BCR: variants seen among roughly 807,000 people sequenced by gnomAD.
The protein encoded by BCR is BCR activator of RhoGEF and GTPase.
Under a neutral mutation model 138.6 loss-of-function variants are expected in BCR, and 58 were observed. The ratio of observed to expected loss-of-function variants is 0.42; its 90% CI spans 0.34 to 0.52. BCR has a LOEUF of 0.52. BCR is among the 20% of genes least tolerant of loss of function. BCR has a pLI of 0.06. For synonymous variants in BCR, 786 were observed against 730.1 expected (o/e 1.08, Z -1.23); for missense variants, 1,599 against 1,727.2 (o/e 0.93, Z 1.32).
At position 23,234,055 on chromosome 22, in the gene BCR, G is replaced by A. The variant is rs75137558; in HGVS notation, c.1280-19744G>A. Among the ~76,000 whole-genome samples, 1,409 of 152,246 alleles carry A rather than the reference G, an allele frequency of 9.3e-3. 17 individuals carry two copies. Among genetic ancestry groups the A allele is most frequent in the African/African-American group, 0.032 (1,329 of 41,530 alleles). ...GAGCCCCAGGCCGAGTCCTCTGGGG[G>A]TGTCATTAATGGCGTGTGCATGAGC... On this transcript the variant is annotated intron_variant, in intron 1 of 22. Transcript: ENST00000305877.
intron 1 of BCR, among the ~76,000 whole-genome samples, chr22:23,230,813 C>A (rs932026197): frequency 9.9e-5 from 15 of 152,224 alleles, no homozygotes. Flanking sequence ...CCAGGCCTCA[C>A]TTGCCACCAG....
intron 1 of BCR, 26 bp from the exon 2 acceptor site, chr22:23,253,773 C>T: frequency 6.3e-7 from 1 of 1,594,472 alleles, no homozygotes; most frequent in Non-Finnish European, 8.6e-7. Flanking sequence ...CTGTCTCTAA[C>T]ACAGGATGCT....
chr22:23,313,678 G>T (rs551529671), intron 20 of BCR, among the ~76,000 whole-genome samples: 2 of 152,288 alleles, frequency 1.3e-5, no homozygotes, highest in African/African-American at 2.4e-5. Context: ...GTGGTGGCAG[G>T]AGTTGTCCAA....
intron 1 of BCR, among the ~76,000 whole-genome samples, chr22:23,203,515 G>A (rs1295605283): frequency 6.6e-6 from 1 of 152,174 alleles, no homozygotes; most frequent in East Asian, 1.9e-4. Flanking sequence ...AGAGGAGTCT[G>A]TGCTAGACTG....
Position 23,263,995 on chromosome 22 carries a change from C to T in BCR, c.1752+2455C>T, listed in dbSNP as rs1438938111. 2.0e-5 allele frequency: 18 copies of T among 896,664 alleles called. No individual in the cohort carries two copies. The African/African-American group carries it at 2.9e-4, about 15-fold the overall frequency. 55.5% of individuals were successfully genotyped at this position (896,664 alleles called of 1,614,324 possible). ...ACACACTTGGACAGAGACTTTCCCC[C>T]AAGGGCTGGGGTGCTGGATGTCATA... On this transcript the variant is annotated intron_variant, in intron 4 of 22. Transcript: ENST00000305877.
In BCR at chr22:23,223,735, G is replaced by A. The variant is rs532339092; in HGVS notation, c.1280-30064G>A. Among the ~76,000 whole-genome samples, 4 of 152,300 alleles carry A rather than the reference G, an allele frequency of 2.6e-5. No individual in the cohort carries two copies. In the East Asian group the frequency reaches 7.7e-4, roughly 29 times the overall value. On this transcript the variant is annotated intron_variant, in intron 1 of 22. Transcript: ENST00000305877. ...CTCCCACCCTCCCAGTGCACAGCGA[G>A]ATTTCAGGTTTTGTTTCTAGACCCT...
At chr22:23,204,412 A>G (rs1161916413) in intron 1 of BCR, among the ~76,000 whole-genome samples, 1 of 147,720 alleles carries the variant, frequency 6.8e-6, no homozygotes, top group Non-Finnish European at 1.5e-5. Flanking sequence ...AATAAAATTA[A>G]GTCATGTTGC....
chr22:23,302,653 T>C (rs1171770863), intron 16 of BCR: 1 of 152,192 alleles, frequency 6.6e-6, no homozygotes, highest in Non-Finnish European at 1.5e-5. Flanking sequence ...CAGAAAACAG[T>C]GTCCACGGGG....
intron 8 of BCR, among the ~76,000 whole-genome samples, chr22:23,280,564 A>G (rs2073631936): frequency 6.6e-6 from 1 of 152,164 alleles, no homozygotes; most frequent in South Asian, 2.1e-4. Flanking sequence ...TCCTCAGAAC[A>G]TACCACCAGA....
chr22:23,281,909 T>G (rs2073650325), intron 8 of BCR, among the ~76,000 whole-genome samples: 1 of 152,212 alleles, frequency 6.6e-6, no homozygotes, highest in Non-Finnish European at 1.5e-5. Flanking sequence ...AGGTGGGTTG[T>G]GGGCAGCCTC....
At chr22:23,217,029 G>A (rs2072762459) in intron 1 of BCR, 4 of 452,150 alleles carry the variant, frequency 8.8e-6, no homozygotes, top group Non-Finnish European at 1.3e-5. Flanking sequence ...GAGCAGCAGT[G>A]TCATGTGGAC....
At chr22:23,249,361 G>A (rs1184802519) in intron 1 of BCR, among the ~76,000 whole-genome samples, 4 of 151,768 alleles carry the variant, frequency 2.6e-5, no homozygotes, top group Non-Finnish European at 5.9e-5. Flanking sequence ...GAACCCGGAA[G>A]GTGGAGCTTA....
At position 23,277,570 on chromosome 22, in the gene BCR, C is replaced by T. The variant is rs567372919; in HGVS notation, c.2115+3796C>T. On this transcript the variant is annotated intron_variant, in intron 8 of 22. Transcript: ENST00000305877. ...GGGGTTGGGGCTGTTTCTGTCTTCC[C>T]TGGCATTTGATGTCAAGAGGAAAGC... Among the ~76,000 whole-genome samples the T allele has an allele frequency of 2.0e-5, 3 of 152,286 alleles. No homozygotes were observed. The South Asian group carries it at 6.2e-4, about 32-fold the overall frequency.
At position 23,312,985 on chromosome 22, in the gene BCR, A is replaced by G. The variant is rs1476512999; in HGVS notation, c.3421A>G (p.Thr1141Ala). ...CCGTGAGCTGCCCGAGCCCCTCTTC[A>G]CTGACGAGTTCTACCCCAACTTCGC... is the stretch of plus-strand genomic sequence containing the variant. ...YFRELPEPLF[T>A]DEFYPNFAEG... The change falls in exon 20 of 23, where the codon ACT (threonine) becomes GCT (alanine). Residue 1141 changes from threonine (T) to alanine (A), a missense_variant. Physicochemically the swap from Thr to Ala is moderately conservative, Grantham distance 58. Transcript: ENST00000305877. 3 of 1,590,078 alleles carry G rather than the reference A, an allele frequency of 1.9e-6. No individual in the cohort carries two copies. The highest frequency in any genetic ancestry group is 2.6e-6 in the Non-Finnish European group (3 of 1,174,718).
chr22:23,284,129 G>A, intron 9 of BCR, 31 bp downstream of exon 9: 1 of 1,610,850 alleles, frequency 6.2e-7, no homozygotes, highest in Non-Finnish European at 8.5e-7. Flanking sequence ...TGTCCCAGCA[G>A]TGACCCCACC....
chr22:23,204,085 TGGGGAGGAAA>T (rs2072584943), intron 1 of BCR, among the ~76,000 whole-genome samples: 1 of 152,100 alleles, frequency 6.6e-6, no homozygotes, highest in South Asian at 2.1e-4. Context: ...GTCATGGGCT[TGGGGAGGAAA>T]GGAGAGGAAT....
At position 23,180,840 on chromosome 22, in the gene BCR, GCCGCCGCCGCGCGGGC is replaced by G; in HGVS notation, c.-119_-104del. 2.3e-6 allele frequency: 1 copy of G among 435,328 alleles called. No individual in the cohort carries two copies. The highest frequency in any genetic ancestry group is 2.7e-6 in the Non-Finnish European group (1 of 375,058). The allele number at this position is 435,328 out of a possible 1,614,324, so 27.0% of individuals were successfully genotyped here. ...GAGTGGGCGGGCATTGTTCGCCGCC[GCCGCCGCCGCGCGGGC>G]CATGGGGGCCGCCCGGCGCCCGGGG... On this transcript the variant is annotated 5_prime_UTR_variant, in exon 1 of 23. Coordinates refer to ENST00000305877, the MANE Select transcript of BCR (RefSeq NM_004327.4).
Position 23,309,497 on chromosome 22 carries a change from G to A in BCR, c.3072+14G>A, listed in dbSNP as rs1325280729. The A allele has an allele frequency of 4.4e-6, 7 of 1,582,938 alleles. No homozygotes were observed. The highest frequency in any genetic ancestry group is 1.3e-5 in the African/African-American group (1 of 74,614). On this transcript the variant is annotated intron_variant, in intron 17 of 22. Coordinates refer to ENST00000305877, the MANE Select transcript of BCR (RefSeq NM_004327.4). Reference sequence around the variant, plus strand: ...GCCATGAATGGGGTACGTGTCCGTGGGACTCTCCTGGTGCCCACTTCCCCC... The same window carrying A: ...GCCATGAATGGGGTACGTGTCCGTGAGACTCTCCTGGTGCCCACTTCCCCC...
At chr22:23,246,220 T>C (rs1001894291) in intron 1 of BCR, among the ~76,000 whole-genome samples, 2 of 151,226 alleles carry the variant, frequency 1.3e-5, no homozygotes, top group African/African-American at 2.4e-5. Context: ...AAGCCAGGAG[T>C]TCAAGACCAG....
Sources: gnomAD v4.1 joint callset for allele counts (sites outside exome capture counted in the v4.1 genomes callset) on GRCh38, gnomAD v4.1.1 for gene constraint, MANE v1.5 for transcripts, NCBI Gene and HGNC (gene_info 2026-07-23, HGNC 2026-07-21) for gene names.